RANBP17: variants seen among roughly 807,000 people sequenced by gnomAD.
RANBP17 encodes the protein RAN binding protein 17.
In RANBP17, 158 loss-of-function variants were observed where a neutral mutation model predicts 141.2. The observed-to-expected ratio is 1.12, with a 90% confidence interval of 0.98 to 1.28. The LOEUF is 1.28. Ranked by LOEUF, RANBP17 falls within the 50% of genes most tolerant of loss-of-function variation. The pLI, the probability that RANBP17 is intolerant of heterozygous loss-of-function variation, is 0.00. For synonymous variants in RANBP17, 430 were observed against 450.0 expected (o/e 0.96, Z 0.56); for missense variants, 1,438 against 1,290.7 (o/e 1.11, Z -1.75).
rs371298894 is a variant in RANBP17, at chr5:171,209,956, A to G, written c.2232-3675A>G. On this transcript the variant is annotated intron_variant, in intron 20 of 27. Coordinates refer to ENST00000523189, the MANE Select transcript of RANBP17 (RefSeq NM_022897.5). ...CTGATGAATAGATGGACGGACGGAC[A>G]GACGGACGGATGGATGGATGGATAG... is the stretch of plus-strand genomic sequence containing the variant. Among the ~76,000 whole-genome samples, 195 of 152,022 alleles carry G rather than the reference A, an allele frequency of 1.3e-3. 9 individuals carry two copies. In the South Asian group the frequency reaches 0.039, roughly 30 times the overall value.
chr5:170,984,371 A>G (rs1777977615), intron 14 of RANBP17, among the ~76,000 whole-genome samples: 2 of 152,186 alleles, frequency 1.3e-5, no homozygotes, highest in Admixed American at 1.3e-4. Flanking sequence ...TCACCCCTGT[A>G]ATCCTAGTGC....
At chr5:170,864,950 T>C (rs1403002601) in intron 1 of RANBP17, among the ~76,000 whole-genome samples, 1 of 152,200 alleles carries the variant, frequency 6.6e-6, no homozygotes, top group Non-Finnish European at 1.5e-5. Flanking sequence ...TATTTATGAT[T>C]TATTGTGGAT....
chr5:170,937,108 T>G (rs1187164466), intron 12 of RANBP17, among the ~76,000 whole-genome samples: 1 of 152,242 alleles, frequency 6.6e-6, no homozygotes, highest in African/African-American at 2.4e-5. Flanking sequence ...TTTACTGGAA[T>G]GTTTAGTTCA....
At chr5:170,953,745 TA>T (rs573747569) in intron 13 of RANBP17, 43 bp downstream of exon 13, 65 of 1,284,442 alleles carry the variant, frequency 5.1e-5, no homozygotes, top group Middle Eastern at 1.8e-4. Flanking sequence ...ACTAAATAGT[TA>T]AAAAAAATTA....
At chr5:170,868,823 A>C (rs1025054374) in intron 1 of RANBP17, among the ~76,000 whole-genome samples, 1 of 152,234 alleles carries the variant, frequency 6.6e-6, no homozygotes, top group East Asian at 1.9e-4. Flanking sequence ...TATAAAAAAT[A>C]AAGTTTCCTT....
rs57258448 is a variant in RANBP17 at position 171,039,245 on chromosome 5, GT to G, written c.1710+70886del. Among the ~76,000 whole-genome samples the G allele has an allele frequency of 7.3e-3, 921 of 125,408 alleles. 3 individuals carry two copies. The highest frequency in any genetic ancestry group is 0.023 in the African/African-American group (761 of 33,594). The allele number at this position is 125,408 out of a possible 152,430, so 82.3% of individuals were successfully genotyped here. On this transcript the variant is annotated intron_variant, in intron 14 of 27. Coordinates refer to ENST00000523189, the MANE Select transcript of RANBP17 (RefSeq NM_022897.5). The stretch of plus-strand genomic sequence containing the variant: ...ATAGCCTTGCTAGCTTCTGTTGTTG[GT>G]TTTTTTTTTTTTTTTTTGCTTTTTA...
chr5:171,173,223 G>A (rs960496676), intron 16 of RANBP17, among the ~76,000 whole-genome samples: 7 of 151,900 alleles, frequency 4.6e-5, no homozygotes. Flanking sequence ...GTTACCTAAT[G>A]CATGTTTTGT....
chr5:171,257,642 C>T (rs545814858), intron 24 of RANBP17, among the ~76,000 whole-genome samples: 6 of 152,186 alleles, frequency 3.9e-5, no homozygotes, highest in African/African-American at 1.2e-4. Context: ...GATGATAGAT[C>T]TTATATCCAG....
chr5:171,279,265 A>C (rs999374361), intron 25 of RANBP17, among the ~76,000 whole-genome samples: 3 of 152,236 alleles, frequency 2.0e-5, no homozygotes, highest in Non-Finnish European at 4.4e-5. Flanking sequence ...AAAATGAAAT[A>C]AATCTAATTT....
intron 25 of RANBP17, among the ~76,000 whole-genome samples, chr5:171,292,919 CCA>C (rs1302906701): frequency 1.3e-5 from 2 of 152,174 alleles, no homozygotes; most frequent in African/African-American, 4.8e-5. Context: ...AGGATGAAAT[CCA>C]GATTCCTCAG....
intron 13 of RANBP17, among the ~76,000 whole-genome samples, chr5:170,959,908 A>G (rs1414990284): frequency 6.6e-6 from 1 of 152,126 alleles, no homozygotes; most frequent in African/African-American, 2.4e-5. Context: ...GGCGCAAGAA[A>G]ATTTGCATAT....
chr5:171,223,820 AT>A (rs374361097), intron 22 of RANBP17, among the ~76,000 whole-genome samples: 254 of 152,314 alleles, frequency 1.7e-3, no homozygotes, highest in African/African-American at 5.7e-3. Context: ...AGCATGGTAT[AT>A]TAGAAAAAGC....
Position 171,171,765 on chromosome 5 carries a change from A to G in RANBP17, c.1865+479A>G, listed in dbSNP as rs377501715. 5.5e-4 allele frequency among the ~76,000 whole-genome samples: 84 copies of G among 152,112 alleles called. No individual in the cohort carries two copies. The South Asian group carries it at 0.012, about 22-fold the overall frequency. On this transcript the variant is annotated intron_variant, in intron 16 of 27. Coordinates refer to ENST00000523189, the MANE Select transcript of RANBP17 (RefSeq NM_022897.5). Reference sequence around the variant, plus strand: ...ACATCATTTTCATTAGTTGAAAGGCACAATGGAGTAATACAAAGAAAATAA... The same window carrying G: ...ACATCATTTTCATTAGTTGAAAGGCGCAATGGAGTAATACAAAGAAAATAA...
chr5:171,285,745 G>A (rs1480663913), intron 25 of RANBP17, among the ~76,000 whole-genome samples: 1 of 152,212 alleles, frequency 6.6e-6, no homozygotes, highest in African/African-American at 2.4e-5. Flanking sequence ...GTGGTGTAGT[G>A]TAGTCAATTT....
At chr5:171,256,476 A>C (rs1010685862) in intron 24 of RANBP17, among the ~76,000 whole-genome samples, 13 of 152,238 alleles carry the variant, frequency 8.5e-5, no homozygotes, top group African/African-American at 3.1e-4. Flanking sequence ...AAGATTACAA[A>C]TTAACAATCT....
intron 14 of RANBP17, among the ~76,000 whole-genome samples, chr5:171,161,779 TAAG>T (rs1759369580): frequency 6.6e-6 from 1 of 152,206 alleles, no homozygotes; most frequent in Non-Finnish European, 1.5e-5. Context: ...TATTAATACT[TAAG>T]AAAGTTTTAT....
At chr5:170,926,528 T>C (rs1772934002) in intron 12 of RANBP17, among the ~76,000 whole-genome samples, 1 of 152,160 alleles carries the variant, frequency 6.6e-6, no homozygotes, top group African/African-American at 2.4e-5. Context: ...GTAGGAGTCT[T>C]TTATGTATTT....
chr5:171,187,882 C>A (rs1348362610), intron 18 of RANBP17, among the ~76,000 whole-genome samples: 1 of 152,172 alleles, frequency 6.6e-6, no homozygotes, highest in African/African-American at 2.4e-5. Context: ...ACCAATAATA[C>A]TTTTTTCTTT....
At chr5:171,135,920 G>A (rs951283291) in intron 14 of RANBP17, among the ~76,000 whole-genome samples, 3 of 152,124 alleles carry the variant, frequency 2.0e-5, no homozygotes, top group Admixed American at 6.6e-5. Context: ...TGCAATCAAA[G>A]ATTAATTTGC....
Sources: allele counts gnomAD v4.1 joint callset (sites outside exome capture counted in the v4.1 genomes callset), GRCh38; gene constraint gnomAD v4.1.1; transcripts MANE v1.5; gene names NCBI Gene and HGNC (gene_info 2026-07-23, HGNC 2026-07-21).